CROCC: variants seen among roughly 807,000 people sequenced by gnomAD.
CROCC encodes rootletin.
CROCC carries 180 observed loss-of-function variants against 245.2 expected under a neutral mutation model. That is an observed-to-expected ratio of 0.73 (90% confidence interval 0.65 to 0.83). The LOEUF is 0.83. Ranked by LOEUF, CROCC falls within the 40% of genes least tolerant of loss-of-function variation. The probability of loss-of-function intolerance (pLI) is 0.00; values close to 1 mark genes in which losing one functional copy is unlikely to be tolerated. For missense variants in CROCC, 2,688 were observed against 2,779.4 expected, an observed-to-expected ratio of 0.97 and a Z score of 0.74; for synonymous variants, 1,205 against 1,241.6, an observed-to-expected ratio of 0.97 and a Z score of 0.62.
At chr1:16,943,817 A>G (rs1272830110) in intron 13 of CROCC, among the ~76,000 whole-genome samples, 9 of 152,260 alleles carry the variant, frequency 5.9e-5, no homozygotes, top group Non-Finnish European at 1.2e-4. Flanking sequence ...GTGTCCCAGG[A>G]GCCTAGCTCG....
In CROCC at chr1:16,946,939, A is replaced by G. The variant is rs1401218079; in HGVS notation, c.2462A>G (p.Gln821Arg). Residue 821 changes from glutamine (Q) to arginine (R), a missense_variant, in exon 17 of 37, where the codon CAG becomes CGG. Coordinates refer to ENST00000375541, the MANE Select transcript of CROCC (RefSeq NM_014675.5). ...AEQAQEALEQ[Q>R]LPTLRHERSQ... ...CAGGCCCAGGAGGCATTGGAGCAGC[A>G]GCTCCCCACGCTGCGCCATGAGCGC... The G allele has an allele frequency of 6.4e-7, 1 of 1,561,436 alleles. No homozygotes were observed.
chr1:16,972,280 C>T, intron 36 of CROCC, 80 bp from the exon 37 acceptor site: 1 of 1,081,290 alleles, frequency 9.2e-7, no homozygotes, highest in Non-Finnish European at 1.4e-6. Context: ...GCACTGTGTC[C>T]CTCCGGGTTC....
chr1:16,921,334 T>G (rs1338072080), upstream of CROCC, among the ~76,000 whole-genome samples: 1 of 152,280 alleles, frequency 6.6e-6, no homozygotes, highest in Non-Finnish European at 1.5e-5. Flanking sequence ...CTAGGGCATT[T>G]GTAGTTCGAG....
chr1:16,953,169 C>T, intron 20 of CROCC, 133 bp from the exon 21 acceptor site: 1 of 811,550 alleles, frequency 1.2e-6, no homozygotes, highest in Admixed American at 2.6e-5. Flanking sequence ...CCTTATCACT[C>T]CCTTGTATTT....
intron 2 of CROCC, among the ~76,000 whole-genome samples, chr1:16,923,243 A>G (rs1237120620): frequency 5.1e-4 from 78 of 152,364 alleles, no homozygotes; most frequent in African/African-American, 1.8e-3. Flanking sequence ...TGGGTGGCGC[A>G]CACGGTGTAG....
chr1:16,947,002 C>T lies in CROCC; in HGVS notation c.2514+11C>T. ...GAGCAGCTAGCGCAGGTGGGCAAAGCTGTGTGTGGGGGTGGTGTGGAGAGC... is the reference window on the plus strand; with the variant it reads ...GAGCAGCTAGCGCAGGTGGGCAAAGTTGTGTGTGGGGGTGGTGTGGAGAGC... On this transcript the variant is annotated intron_variant, in intron 17 of 36. Coordinates refer to ENST00000375541, the MANE Select transcript of CROCC (RefSeq NM_014675.5). 6.5e-7 allele frequency: 1 copy of T among 1,544,646 alleles called. No homozygotes were observed.
At chr1:16,949,644 T>A (rs1365914613) in intron 19 of CROCC, among the ~76,000 whole-genome samples, 1 of 152,256 alleles carries the variant, frequency 6.6e-6, no homozygotes, top group African/African-American at 2.4e-5. Flanking sequence ...CTCCATTTCA[T>A]CATCTGTTAA....
At chr1:16,962,705 T>C (rs1322059274) in intron 27 of CROCC, among the ~76,000 whole-genome samples, 1 of 149,736 alleles carries the variant, frequency 6.7e-6, no homozygotes, top group Non-Finnish European at 1.5e-5. Context: ...TGTGTGTGTG[T>C]GTATATAAAT....
In CROCC at chr1:16,954,332, C is replaced by T; in HGVS notation, c.3296C>T (p.Ala1099Val). The T allele has an allele frequency of 1.2e-6, 2 of 1,611,802 alleles. No homozygotes were observed. The highest frequency in any genetic ancestry group is 1.7e-6 in the Non-Finnish European group (2 of 1,179,810). Reference protein sequence around the residue: ...SLEMERQKRDAQSRQEQDRST... With the variant: ...SLEMERQKRDVQSRQEQDRST... ...GAGATGGAGCGGCAGAAACGAGATG[C>T]CCAGAGCCGGCAGGAGCAGGACCGG... The change falls in exon 22 of 37, where the codon GCC (alanine) becomes GTC (valine). Residue 1099 changes from alanine to valine, a missense_variant. Physicochemically the swap from Ala to Val is moderately conservative, Grantham distance 64. Transcript: ENST00000375541. The surrounding 1 kb of genome is among the most constrained non-coding windows in gnomAD (Gnocchi z 4.4).
rs1007259029 is a variant in CROCC, at chr1:16,972,627, A to G, written c.*181A>G. 1.8e-4 allele frequency: 99 copies of G among 537,174 alleles called. No individual in the cohort carries two copies. Among genetic ancestry groups the G allele is most frequent in the Non-Finnish European group, 2.8e-4 (84 of 302,628 alleles). The allele number at this position is 537,174 out of a possible 1,614,324, so 33.3% of individuals were successfully genotyped here. A position where few individuals can be genotyped will look rare whatever the true frequency, so the allele number is the denominator to read the frequency against. The stretch of plus-strand genomic sequence containing the variant: ...AGCTCCAGGCCTGGAGAGGCTTCCC[A>G]GCAACACCTGCAGTCCAGCCCCCCT... On this transcript the variant is annotated 3_prime_UTR_variant, in exon 37 of 37. Transcript: ENST00000375541.
chr1:16,946,315 G>T lies in CROCC; in HGVS notation c.2193G>T (p.Glu731Asp), dbSNP rs371175242. ...ELSMTKLRAE[E>D]ASLQDSLSKL... The stretch of plus-strand genomic sequence containing the variant: ...CCATGACCAAGCTGAGGGCAGAGGA[G>T]GCCTCCCTGCAGGACTCCCTGTCCA... The change falls in exon 16 of 37, where the codon GAG becomes GAT. Residue 731 changes from glutamate (E) to aspartate (D), a missense_variant. By Grantham distance (45) the Glu-to-Asp change is conservative. Coordinates refer to ENST00000375541, the MANE Select transcript of CROCC (RefSeq NM_014675.5). The T allele has an allele frequency of 6.2e-7, 1 of 1,613,588 alleles. No individual in the cohort carries two copies. Among genetic ancestry groups the T allele is most frequent in the South Asian group, 1.1e-5 (1 of 91,080 alleles).
intron 19 of CROCC, among the ~76,000 whole-genome samples, chr1:16,950,714 T>G (rs2076144845): frequency 6.6e-6 from 1 of 152,208 alleles, no homozygotes; most frequent in South Asian, 2.1e-4. Context: ...CATCAGTCAT[T>G]TTATGCCTTT....
chr1:16,953,230 G>A lies in CROCC; in HGVS notation c.3007-72G>A. 4 of 1,410,152 alleles carry A rather than the reference G, an allele frequency of 2.8e-6. No individual in the cohort carries two copies. In the South Asian group the frequency reaches 5.2e-5, roughly 18 times the overall value. 87.4% of individuals were successfully genotyped at this position (1,410,152 alleles called of 1,614,324 possible). A position where few individuals can be genotyped will look rare whatever the true frequency, so the allele number is the denominator to read the frequency against. ...GTATGGGGGCCAGATGGCTCTTGCT[G>A]CCCTGATGTTTTGGGGGGTCTGCCT... On this transcript the variant is annotated intron_variant, in intron 20 of 36. Coordinates refer to ENST00000375541, the MANE Select transcript of CROCC (RefSeq NM_014675.5).
rs192164600 is a variant in CROCC, at chr1:16,957,363, C to T, written c.3864+1207C>T. Among the ~76,000 whole-genome samples the T allele has an allele frequency of 2.6e-5, 4 of 152,286 alleles. No homozygotes were observed. The East Asian group carries it at 7.7e-4, about 29-fold the overall frequency. On this transcript the variant is annotated intron_variant, in intron 25 of 36. Transcript: ENST00000375541. ...TCAAGGCTGCAGTGAGCTGTGATCG[C>T]ATCACCGCACTCCAGCCTGGGCGAC...
chr1:16,915,861 C>A (rs190317567), intron 1 of CROCC, among the ~76,000 whole-genome samples: 11 of 152,336 alleles, frequency 7.2e-5, no homozygotes, highest in African/African-American at 2.2e-4. Flanking sequence ...AGGTGGGTGC[C>A]TGCCTGGTGT....
intron 15 of CROCC, among the ~76,000 whole-genome samples, chr1:16,945,956 G>A (rs1235764547): frequency 6.6e-6 from 1 of 152,398 alleles, no homozygotes; most frequent in African/African-American, 2.4e-5. Context: ...GGCCTGCGCT[G>A]TCCGCTGCAG....
chr1:16,925,284 A>G (rs1419374469), intron 3 of CROCC, among the ~76,000 whole-genome samples: 11 of 152,274 alleles, frequency 7.2e-5, no homozygotes, highest in Non-Finnish European at 1.5e-4. Flanking sequence ...AGTGCCTACT[A>G]TGTGCCAGGC....
chr1:16,939,157 G>C lies in CROCC; in HGVS notation c.1608+15G>C. ...TGCAGGTCCAGGTAGGAAGGGGCTT[G>C]AGCGTTCTGGGCGCAGCCAGAGGCC... On this transcript the variant is annotated intron_variant, in intron 12 of 36. Transcript: ENST00000375541. 4 of 1,456,466 alleles carry C rather than the reference G, an allele frequency of 2.7e-6. No individual in the cohort carries two copies. The highest frequency in any genetic ancestry group is 3.6e-6 in the Non-Finnish European group (4 of 1,114,098). 90.2% of individuals were successfully genotyped at this position (1,456,466 alleles called of 1,614,324 possible).
In CROCC at chr1:16,970,711, C is replaced by T. The variant is rs754715520; in HGVS notation, c.5728C>T (p.Leu1910Phe). The change falls in exon 35 of 37, where the codon CTC (leucine) becomes TTC (phenylalanine). Residue 1910 changes from leucine to phenylalanine, a missense_variant. By Grantham distance (22) the Leu-to-Phe change is conservative. Transcript: ENST00000375541. ...SAEKGRLDRT[L>F]TGAELELAEA... ...AGAGAAGGGCCGCCTGGACCGCACC[C>T]TCACGGGGGCTGAGCTGGAGCTGGC... The T allele has an allele frequency of 7.5e-6, 12 of 1,605,232 alleles. No homozygotes were observed. In the South Asian group the frequency reaches 1.2e-4, roughly 16 times the overall value.
Sources: gnomAD v4.1 joint callset for allele counts (sites outside exome capture counted in the v4.1 genomes callset) on GRCh38, gnomAD v4.1.1 for gene constraint, Gnocchi (gnomAD v3.1) non-coding constraint, MANE v1.5 for transcripts, NCBI Gene and HGNC (gene_info 2026-07-23, HGNC 2026-07-21) for gene names.